The following PTPRE variants were observed in gnomAD, a reference collection of about 807,000 sequenced individuals.
PTPRE encodes protein tyrosine phosphatase receptor type E.
A neutral mutation model predicts 102.0 loss-of-function variants in PTPRE; 51 were observed. The ratio of observed to expected loss-of-function variants is 0.50; its 90% CI spans 0.40 to 0.63. The LOEUF (loss-of-function observed/expected upper bound fraction) is 0.63. PTPRE is among the 30% of genes least tolerant of loss of function. The pLI is 0.00. For synonymous variants in PTPRE, 345 were observed against 348.2 expected (o/e 0.99, Z 0.10); for missense variants, 752 against 915.1 (o/e 0.82, Z 2.30).
chr10:127,935,419 G>A (rs966410312), intron 1 of PTPRE, among the ~76,000 whole-genome samples: 2 of 152,170 alleles, frequency 1.3e-5, no homozygotes, highest in African/African-American at 4.8e-5. Flanking sequence ...AGGGGCAACC[G>A]ATCCTTCTTG....
At chr10:127,965,881 C>T (rs1386006536) in intron 1 of PTPRE, among the ~76,000 whole-genome samples, 2 of 152,254 alleles carry the variant, frequency 1.3e-5, no homozygotes, top group Non-Finnish European at 2.9e-5. Context: ...GACACCTGGA[C>T]ATGTGCATTT....
intron 1 of PTPRE, among the ~76,000 whole-genome samples, chr10:127,938,707 C>A (rs1848007082): frequency 6.6e-6 from 1 of 151,918 alleles, no homozygotes; most frequent in Non-Finnish European, 1.5e-5. Context: ...TTTTTTGCTA[C>A]AGATTTGGAG....
At chr10:128,045,240 G>GT (rs1847994810) in intron 3 of PTPRE, among the ~76,000 whole-genome samples, 1 of 152,252 alleles carries the variant, frequency 6.6e-6, no homozygotes, top group South Asian at 2.1e-4. Flanking sequence ...GGCTTGGGTG[G>GT]TTCAGCCCCG....
At chr10:127,939,390 G>C (rs528432694) in intron 1 of PTPRE, among the ~76,000 whole-genome samples, 15 of 152,316 alleles carry the variant, frequency 9.8e-5, no homozygotes, top group Middle Eastern at 6.8e-3. Context: ...ATCTTTGGAA[G>C]ATGAATGAAG....
Position 128,030,293 on chromosome 10 carries a change from C to T in PTPRE, c.-7-10582C>T, listed in dbSNP as rs189210679. Reference sequence around the variant, plus strand: ...GATGAGTTACAGTTTACAAGACTCACTCATTTATGATTTCGTGGGATTCTC... The same window carrying T: ...GATGAGTTACAGTTTACAAGACTCATTCATTTATGATTTCGTGGGATTCTC... On this transcript the variant is annotated intron_variant, in intron 2 of 20. Coordinates refer to ENST00000254667, the MANE Select transcript of PTPRE (RefSeq NM_006504.6). 2.0e-4 allele frequency among the ~76,000 whole-genome samples: 31 copies of T among 152,312 alleles called. No individual in the cohort carries two copies. The East Asian group carries it at 5.2e-3, about 26-fold the overall frequency.
chr10:128,016,388 C>T (rs1406018776), intron 2 of PTPRE, among the ~76,000 whole-genome samples: 1 of 152,166 alleles, frequency 6.6e-6, no homozygotes, highest in Non-Finnish European at 1.5e-5. Flanking sequence ...GGTGGAGAAA[C>T]ATCCTTCACC....
chr10:127,988,687 G>A (rs902110365), intron 2 of PTPRE, among the ~76,000 whole-genome samples: 1 of 152,160 alleles, frequency 6.6e-6, no homozygotes, highest in Non-Finnish European at 1.5e-5. Context: ...AGGGAAGAGG[G>A]AGGGAGGAGA....
At chr10:127,960,165 G>A (rs549151811) in intron 1 of PTPRE, among the ~76,000 whole-genome samples, 1 of 152,170 alleles carries the variant, frequency 6.6e-6, no homozygotes, top group Non-Finnish European at 1.5e-5. Context: ...CCAGGGACTC[G>A]AGATCCTGTT....
intron 2 of PTPRE, among the ~76,000 whole-genome samples, chr10:127,991,901 TCTCCTGGGCCCCTCAACACCA>T: frequency 6.6e-6 from 1 of 152,128 alleles, no homozygotes; most frequent in Non-Finnish European, 1.5e-5. Context: ...AACTGTTCCC[TCTCCTGGGCCCCTCAACACCA>T]CTCCTTCAGG....
At chr10:128,075,919 T>C (rs1290742461) in intron 17 of PTPRE, among the ~76,000 whole-genome samples, 1 of 152,234 alleles carries the variant, frequency 6.6e-6, no homozygotes, top group Non-Finnish European at 1.5e-5. Context: ...TTATAGGAGC[T>C]CTTTACGTAA....
In PTPRE at chr10:128,070,141, G is replaced by T; in HGVS notation, c.1144-160G>T. On this transcript the variant is annotated intron_variant, in intron 13 of 20. Coordinates refer to ENST00000254667, the MANE Select transcript of PTPRE (RefSeq NM_006504.6). This position sits in a 1 kb window ranked among gnomAD's most constrained non-coding sequence, Gnocchi z 4.8. ...TTCTCCTTACTCAAGGGCATAAATG[G>T]TCGTTATCCGTGGCCGGTACTCTGA... The T allele has an allele frequency of 1.2e-6, 1 of 845,020 alleles. No homozygotes were observed. The highest frequency in any genetic ancestry group is 1.8e-6 in the Non-Finnish European group (1 of 553,440). The allele number at this position is 845,020 out of a possible 1,614,324, so 52.3% of individuals were successfully genotyped here. A position where few individuals can be genotyped will look rare whatever the true frequency, so the allele number is the denominator to read the frequency against.
At chr10:127,973,720 C>G (rs1434429293) in intron 1 of PTPRE, among the ~76,000 whole-genome samples, 1 of 152,120 alleles carries the variant, frequency 6.6e-6, no homozygotes, top group Non-Finnish European at 1.5e-5. Context: ...TTCTTAGTCT[C>G]TCGCTAATAT....
At chr10:128,035,273 G>A (rs1564908451) in intron 2 of PTPRE, among the ~76,000 whole-genome samples, 1 of 137,188 alleles carries the variant, frequency 7.3e-6, no homozygotes, top group African/African-American at 2.6e-5. Context: ...ACATATATAT[G>A]TATATATATA....
At chr10:128,048,602 C>T (rs1001368738) in intron 5 of PTPRE, among the ~76,000 whole-genome samples, 1 of 152,210 alleles carries the variant, frequency 6.6e-6, no homozygotes, top group Non-Finnish European at 1.5e-5. Context: ...TCGCGGGACC[C>T]GAGACCTGGT....
At chr10:128,003,018 T>C (rs543035988) in intron 2 of PTPRE, among the ~76,000 whole-genome samples, 17 of 152,280 alleles carry the variant, frequency 1.1e-4, no homozygotes, top group African/African-American at 4.1e-4. Context: ...CTTATGGATG[T>C]TGGGTTTTGT....
intron 11 of PTPRE, among the ~76,000 whole-genome samples, chr10:128,066,898 ACG>A (rs1447828813): frequency 1.6e-4 from 25 of 152,134 alleles, no homozygotes; most frequent in South Asian, 2.1e-4. Context: ...TCACATGCAC[ACG>A]CACACACATA....
chr10:128,066,013 G>C, intron 10 of PTPRE, 62 bp from the exon 11 acceptor site: 1 of 1,612,512 alleles, frequency 6.2e-7, no homozygotes, highest in African/African-American at 1.3e-5. Flanking sequence ...AGTTGGGTGG[G>C]GGGATGTCAT....
Position 128,069,778 on chromosome 10 carries a change from A to T in PTPRE, c.1094A>T (p.Glu365Val). 6.2e-7 allele frequency: 1 copy of T among 1,614,166 alleles called. No homozygotes were observed. The highest frequency in any genetic ancestry group is 2.2e-5 in the East Asian group (1 of 44,872). The stretch of plus-strand genomic sequence containing the variant: ...GCGGAGCAGAAGGTGGATGTGTTTG[A>T]ATTTGTGTCTCGAATCCGTAATCAG... Reference protein sequence around the residue: ...MHAEQKVDVFEFVSRIRNQRP... With the variant: ...MHAEQKVDVFVFVSRIRNQRP... The change falls in exon 13 of 21, where the codon GAA becomes GTA. Residue 365 changes from glutamate (E) to valine (V), a missense_variant. By Grantham distance (121) the Glu-to-Val change is moderately radical (BLOSUM62 -2). Transcript: ENST00000254667.
In PTPRE at chr10:128,084,916, A is replaced by G; in HGVS notation, c.*2010A>G. On this transcript the variant is annotated 3_prime_UTR_variant, in exon 21 of 21. Transcript: ENST00000254667. ...AATCCTTGAAGCCCTTTAATGGTCT[A>G]ACTGGCATCTCTTGTATCAAGAAGT... is the stretch of plus-strand genomic sequence containing the variant. The G allele has an allele frequency of 3.8e-6, 1 of 261,984 alleles. No homozygotes were observed. The highest frequency in any genetic ancestry group is 3.6e-5 in the South Asian group (1 of 27,710). The allele number at this position is 261,984 out of a possible 1,614,324, so 16.2% of individuals were successfully genotyped here.
Sources: allele counts gnomAD v4.1 joint callset (sites outside exome capture counted in the v4.1 genomes callset), GRCh38; gene constraint gnomAD v4.1.1; non-coding constraint Gnocchi (gnomAD v3.1); transcripts MANE v1.5; gene names NCBI Gene and HGNC (gene_info 2026-07-23, HGNC 2026-07-21).